The following SGCD variants were observed in gnomAD, a reference collection of about 807,000 sequenced individuals.
SGCD encodes the protein sarcoglycan delta.
A neutral mutation model predicts 36.6 loss-of-function variants in SGCD; 18 were observed. The ratio of observed to expected loss-of-function variants is 0.49; its 90% CI spans 0.34 to 0.73. The LOEUF is 0.73. SGCD is among the 30% of genes least tolerant of loss of function. The pLI is 0.01. For synonymous variants in SGCD, 133 were observed against 130.6 expected, an observed-to-expected ratio of 1.02 and a Z score of -0.12; for missense variants, 387 against 346.7, an observed-to-expected ratio of 1.12 and a Z score of -0.92.
intron 1 of SGCD, among the ~76,000 whole-genome samples, chr5:155,879,878 A>G (rs1291238654): frequency 1.3e-5 from 2 of 152,176 alleles, no homozygotes; most frequent in African/African-American, 2.4e-5. Context: ...GGCATGGTGT[A>G]GTTTGATTTA....
chr5:156,026,213 A>G (rs893963002), intron 1 of SGCD, among the ~76,000 whole-genome samples: 1 of 152,238 alleles, frequency 6.6e-6, no homozygotes, highest in Non-Finnish European at 1.5e-5. Context: ...ATCAGGCAAC[A>G]TATTTATTGA....
chr5:156,294,666 G>C (rs141767424), intron 3 of SGCD, among the ~76,000 whole-genome samples: 1 of 151,978 alleles, frequency 6.6e-6, no homozygotes, highest in Non-Finnish European at 1.5e-5. Flanking sequence ...TCTATTTTTA[G>C]CTTGTTGAAT....
intron 1 of SGCD, among the ~76,000 whole-genome samples, chr5:155,921,731 A>C (rs80177286): frequency 0.041 from 6,175 of 152,312 alleles, 160 homozygotes; most frequent in Middle Eastern, 0.088. Flanking sequence ...ATTGGTCAGC[A>C]GACAGCATTT....
chr5:155,852,395 T>C, the SGCD span, among the ~76,000 whole-genome samples: 6 of 152,192 alleles, frequency 3.9e-5, no homozygotes, highest in Non-Finnish European at 5.9e-5. Flanking sequence ...TAAGGTCTTT[T>C]TGACAAATTG....
At chr5:155,938,232 C>G (rs1474980686) in intron 1 of SGCD, among the ~76,000 whole-genome samples, 1 of 152,140 alleles carries the variant, frequency 6.6e-6, no homozygotes, top group African/African-American at 2.4e-5. Context: ...TTGATGGCAG[C>G]CCTGCCACCT....
intron 1 of SGCD, among the ~76,000 whole-genome samples, chr5:156,098,212 C>T (rs1365341280): frequency 6.6e-6 from 1 of 152,154 alleles, no homozygotes; most frequent in East Asian, 1.9e-4. Context: ...ATCACAGAGT[C>T]AGTATTTCTG....
chr5:156,143,214 G>A (rs1363864541), intron 3 of SGCD, among the ~76,000 whole-genome samples: 11 of 152,238 alleles, frequency 7.2e-5, no homozygotes, highest in Admixed American at 3.9e-4. Context: ...GTTTCCACAT[G>A]TTGTTAAGCC....
At chr5:156,168,174 A>G (rs971272800) in intron 3 of SGCD, among the ~76,000 whole-genome samples, 1 of 152,218 alleles carries the variant, frequency 6.6e-6, no homozygotes, top group Non-Finnish European at 1.5e-5. Flanking sequence ...TTTCCTATTT[A>G]GTTAGAATAA....
chr5:156,293,673 T>C (rs997502469), intron 3 of SGCD, among the ~76,000 whole-genome samples: 2 of 152,152 alleles, frequency 1.3e-5, no homozygotes, highest in African/African-American at 4.8e-5. Context: ...TTGGTCTATG[T>C]ATCTGTATTT....
intron 3 of SGCD, among the ~76,000 whole-genome samples, chr5:156,288,487 T>A (rs956322634): frequency 1.3e-5 from 2 of 152,166 alleles, no homozygotes; most frequent in African/African-American, 4.8e-5. Flanking sequence ...TATGATGCCC[T>A]TAAGAGCATC....
rs550493202 is a variant in SGCD at position 156,490,346 on chromosome 5, C to T, written c.193-18255C>T. ...ATAAAGAGAAAGGAATCCTTTCTAA[C>T]TCATTTTATGAGGGCAGCATTACCC... is the stretch of plus-strand genomic sequence containing the variant. On this transcript the variant is annotated intron_variant, in intron 3 of 8. Coordinates refer to ENST00000337851, the MANE Select transcript of SGCD (RefSeq NM_000337.6). Among the ~76,000 whole-genome samples the T allele has an allele frequency of 7.9e-5, 12 of 152,140 alleles. No homozygotes were observed. The South Asian group carries it at 1.7e-3, about 21-fold the overall frequency.
At chr5:155,841,278 GATTCAATGAAAT>G in the SGCD span, among the ~76,000 whole-genome samples, 1,422 of 152,220 alleles carry the variant, frequency 9.3e-3, 21 homozygotes, top group African/African-American at 0.033. Flanking sequence ...TTTATGGTTG[GATTCAATGAAAT>G]ATTCAATGAA....
At chr5:156,040,279 T>C (rs1277045786) in intron 1 of SGCD, among the ~76,000 whole-genome samples, 1 of 152,228 alleles carries the variant, frequency 6.6e-6, no homozygotes, top group Non-Finnish European at 1.5e-5. Flanking sequence ...AAGGATTTAC[T>C]GATGAAGCTT....
At chr5:156,161,802 A>C (rs1763092225) in intron 3 of SGCD, among the ~76,000 whole-genome samples, 2 of 151,742 alleles carry the variant, frequency 1.3e-5, no homozygotes, top group Admixed American at 1.3e-4. Flanking sequence ...TTAAATTAAG[A>C]AGCGTGAACT....
intron 3 of SGCD, among the ~76,000 whole-genome samples, chr5:156,131,028 C>A (rs79476693): frequency 0.012 from 1,902 of 152,282 alleles, 37 homozygotes; most frequent in African/African-American, 0.044. Context: ...CACGCCCGGC[C>A]AGCATTCTGT....
intron 7 of SGCD, among the ~76,000 whole-genome samples, chr5:156,731,632 T>A (rs1040858848): frequency 6.7e-6 from 1 of 149,914 alleles, no homozygotes; most frequent in African/African-American, 2.4e-5. Flanking sequence ...TGCCTCCAGC[T>A]TTGTTCTTTT....
chr5:156,319,394 G>C (rs981872332), intron 3 of SGCD, among the ~76,000 whole-genome samples: 1 of 152,178 alleles, frequency 6.6e-6, no homozygotes, highest in Non-Finnish European at 1.5e-5. Context: ...ATTTTTGCCT[G>C]CCTTTAACTT....
the SGCD span, among the ~76,000 whole-genome samples, chr5:155,801,364 C>T: frequency 6.6e-6 from 1 of 152,212 alleles, no homozygotes; most frequent in Non-Finnish European, 1.5e-5. Context: ...TTTACTCCCT[C>T]TTGGCTGTTT....
intron 3 of SGCD, among the ~76,000 whole-genome samples, chr5:156,170,412 C>T (rs1763314245): frequency 1.3e-5 from 2 of 152,282 alleles, no homozygotes; most frequent in Admixed American, 6.5e-5. Context: ...TGAGAAAAAT[C>T]ATAAAGCCTT....
Sources: allele counts gnomAD v4.1 joint callset (sites outside exome capture counted in the v4.1 genomes callset), GRCh38; gene constraint gnomAD v4.1.1; transcripts MANE v1.5; gene names NCBI Gene and HGNC (gene_info 2026-07-23, HGNC 2026-07-21).